NOVA1: variants seen among roughly 807,000 people sequenced by gnomAD.
NOVA1 encodes RNA-binding protein Nova-1.
In NOVA1, 7 loss-of-function variants were observed where a neutral mutation model predicts 38.0. The ratio of observed to expected loss-of-function variants is 0.18; its 90% CI spans 0.10 to 0.35. The LOEUF (loss-of-function observed/expected upper bound fraction) is 0.35. NOVA1 is among the 10% of genes least tolerant of loss of function. The pLI is 1.00. For missense variants in NOVA1, 460 were observed against 616.0 expected (o/e 0.75, Z 2.68); for synonymous variants, 270 against 232.5 (o/e 1.16, Z -1.47).
rs556784664 is a variant in NOVA1 at position 26,529,050 on chromosome 14, G to A, written c.281-48907C>T. On this transcript the variant is annotated intron_variant, in intron 2 of 4. Coordinates refer to ENST00000539517, the MANE Select transcript of NOVA1 (RefSeq NM_002515.3). ...TAAGGTCTATCCAACAAGTACACCC[G>A]ATCACCCTACTAGGAGGCATATTTG... 2.9e-4 allele frequency among the ~76,000 whole-genome samples: 44 copies of A among 152,092 alleles called. 1 individual carries two copies. The East Asian group carries it at 7.8e-3, about 27-fold the overall frequency.
chr14:26,572,002 C>T (rs1262692094), intron 2 of NOVA1, among the ~76,000 whole-genome samples: 1 of 152,130 alleles, frequency 6.6e-6, no homozygotes. Flanking sequence ...CAAAGCCTGA[C>T]TATTGCTGAG....
At chr14:26,525,209 T>C (rs1403695734) in intron 2 of NOVA1, among the ~76,000 whole-genome samples, 2 of 152,154 alleles carry the variant, frequency 1.3e-5, no homozygotes, top group Admixed American at 6.5e-5. Flanking sequence ...TTAGCAATTA[T>C]TGTACTTTTA....
intron 2 of NOVA1, among the ~76,000 whole-genome samples, chr14:26,513,181 G>A (rs564348038): frequency 1.3e-4 from 20 of 151,912 alleles, no homozygotes; most frequent in South Asian, 2.1e-4. Flanking sequence ...TTATAAAAGC[G>A]ATTCAGCATT....
rs566520031 is a variant in NOVA1, at chr14:26,522,945, G to A, written c.281-42802C>T. Among the ~76,000 whole-genome samples, 172 of 152,214 alleles carry A rather than the reference G, an allele frequency of 1.1e-3. 1 individual carries two copies. The highest frequency in any genetic ancestry group is 1.6e-3 in the Non-Finnish European group (108 of 68,002). On this transcript the variant is annotated intron_variant, in intron 2 of 4. Coordinates refer to ENST00000539517, the MANE Select transcript of NOVA1 (RefSeq NM_002515.3). ...CCATTAGCTTCAACTCATCTCATTA[G>A]ATTCTACTTCTAGTTGTCCTAAATT...
intron 2 of NOVA1, among the ~76,000 whole-genome samples, chr14:26,583,074 T>G (rs571419040): frequency 2.0e-5 from 3 of 151,852 alleles, no homozygotes; most frequent in Non-Finnish European, 4.4e-5. Flanking sequence ...TTAAACAGAA[T>G]AGGTATACGC....
chr14:26,558,693 A>G (rs912183628), intron 2 of NOVA1, among the ~76,000 whole-genome samples: 1 of 152,202 alleles, frequency 6.6e-6, no homozygotes, highest in African/African-American at 2.4e-5. Context: ...ATTTCTATAT[A>G]GGAAAGTTAT....
chr14:26,565,611 G>A (rs1892089484), intron 2 of NOVA1, among the ~76,000 whole-genome samples: 2 of 152,200 alleles, frequency 1.3e-5, no homozygotes, highest in Middle Eastern at 3.4e-3. Context: ...AGAAAAAGAT[G>A]GACCATGGTT....
At chr14:26,523,748 A>ATTTTT (rs1182238464) in intron 2 of NOVA1, among the ~76,000 whole-genome samples, 13 of 108,640 alleles carry the variant, frequency 1.2e-4, no homozygotes, top group African/African-American at 3.6e-4. Flanking sequence ...CCACTTGAAG[A>ATTTTT]TTTTTTTTTT....
chr14:26,448,373 T>C lies in NOVA1; in HGVS notation c.1110A>G (p.Ser370=). The C allele has an allele frequency of 6.2e-7, 1 of 1,613,944 alleles. No individual in the cohort carries two copies. The highest frequency in any genetic ancestry group is 8.5e-7 in the Non-Finnish European group (1 of 1,180,004). The part of the protein sequence containing the change: ...NLLATYASEA[S]ASGSTAGGTA... ...TACCACCAGCTGTGCTGCCACTGGC[T>C]GAGGCTTCACTGGCATAGGTGGCCA... The change falls in exon 5 of 5, where the codon TCA becomes TCG. Residue 370 remains serine, a synonymous_variant. Coordinates refer to ENST00000539517, the MANE Select transcript of NOVA1 (RefSeq NM_002515.3). This position sits in a 1 kb window ranked among gnomAD's most constrained non-coding sequence, Gnocchi z 5.3.
At chr14:26,543,845 T>C (rs930899396) in intron 2 of NOVA1, among the ~76,000 whole-genome samples, 2 of 151,972 alleles carry the variant, frequency 1.3e-5, no homozygotes, top group African/African-American at 4.8e-5. Flanking sequence ...TAGGCTACAG[T>C]TGGTAAGAAT....
At chr14:26,585,575 T>C (rs1893466621) in intron 2 of NOVA1, among the ~76,000 whole-genome samples, 1 of 151,336 alleles carries the variant, frequency 6.6e-6, no homozygotes, top group African/African-American at 2.4e-5. Context: ...TCTTTTTCCT[T>C]ACTGAACATA....
chr14:26,591,629 AT>A (rs1429066495), intron 2 of NOVA1, among the ~76,000 whole-genome samples: 1 of 151,674 alleles, frequency 6.6e-6, no homozygotes, highest in Non-Finnish European at 1.5e-5. Context: ...AATGTTTTAA[AT>A]TCATTATCTC....
intron 2 of NOVA1, among the ~76,000 whole-genome samples, chr14:26,510,794 T>A (rs1399855063): frequency 6.6e-6 from 1 of 152,166 alleles, no homozygotes; most frequent in Non-Finnish European, 1.5e-5. Context: ...AATTAAAGAC[T>A]ACCTGTCAGA....
chr14:26,521,837 A>G (rs1888921407), intron 2 of NOVA1, among the ~76,000 whole-genome samples: 1 of 152,060 alleles, frequency 6.6e-6, no homozygotes, highest in African/African-American at 2.4e-5. Context: ...AGAGAAAATA[A>G]ATTTCTGCAA....
At chr14:26,458,642 A>G (rs1163237090) in intron 4 of NOVA1, among the ~76,000 whole-genome samples, 2 of 152,092 alleles carry the variant, frequency 1.3e-5, no homozygotes, top group African/African-American at 2.4e-5. Context: ...TAAAGATGGC[A>G]ACAATAGACA....
chr14:26,463,445 T>A (rs951694659), intron 4 of NOVA1, among the ~76,000 whole-genome samples: 7 of 152,194 alleles, frequency 4.6e-5, no homozygotes, highest in Non-Finnish European at 1.0e-4. Flanking sequence ...ATTTCCCTGA[T>A]GACTGGTGAG....
chr14:26,509,302 TG>T (rs1356485655), intron 2 of NOVA1, among the ~76,000 whole-genome samples: 1 of 152,098 alleles, frequency 6.6e-6, no homozygotes. Context: ...ATAGGATACA[TG>T]GAGGAATGAG....
chr14:26,483,248 A>C (rs1388496895), intron 2 of NOVA1, among the ~76,000 whole-genome samples: 1 of 152,216 alleles, frequency 6.6e-6, no homozygotes, highest in African/African-American at 2.4e-5. Context: ...TCAGTTACAC[A>C]GTTCCTGTTT....
intron 2 of NOVA1, among the ~76,000 whole-genome samples, chr14:26,520,880 T>A (rs1297560705): frequency 1.3e-5 from 2 of 152,122 alleles, no homozygotes; most frequent in Admixed American, 6.6e-5. Flanking sequence ...AAATGCTATA[T>A]AAGTTTATCA....
Sources: gnomAD v4.1 joint callset for allele counts (sites outside exome capture counted in the v4.1 genomes callset) on GRCh38, gnomAD v4.1.1 for gene constraint, Gnocchi (gnomAD v3.1) non-coding constraint, MANE v1.5 for transcripts, NCBI Gene and HGNC (gene_info 2026-07-23, HGNC 2026-07-21) for gene names.